Variants in PLGRKT observed in about 807,000 individuals in gnomAD.
The protein encoded by PLGRKT is plasminogen receptor with a C-terminal lysine.
In PLGRKT, 22 loss-of-function variants were observed where a neutral mutation model predicts 18.5. The ratio of observed to expected loss-of-function variants is 1.19; its 90% CI spans 0.85 to 1.70. PLGRKT has a LOEUF of 1.70. Among genes scored for constraint, PLGRKT ranks in the 40% most tolerant of loss-of-function variants. The pLI is 0.00. For synonymous variants in PLGRKT, 72 were observed against 52.8 expected (o/e 1.36, Z -1.58); for missense variants, 235 against 174.4 (o/e 1.35, Z -1.96).
intron 3 of PLGRKT, among the ~76,000 whole-genome samples, chr9:5,368,849 A>T (rs980407956): frequency 6.6e-6 from 1 of 152,200 alleles, no homozygotes; most frequent in Non-Finnish European, 1.5e-5. Context: ...AAAAACAAGC[A>T]ATGGGGAAAG....
intron 3 of PLGRKT, among the ~76,000 whole-genome samples, chr9:5,424,592 A>G (rs1232337432): frequency 1.5e-5 from 2 of 132,318 alleles, no homozygotes; most frequent in African/African-American, 6.0e-5. Context: ...ATTATATTAT[A>G]CAGTAATATA....
At chr9:5,388,690 T>G (rs1185692406) in intron 3 of PLGRKT, among the ~76,000 whole-genome samples, 2 of 152,046 alleles carry the variant, frequency 1.3e-5, no homozygotes, top group Non-Finnish European at 2.9e-5. Flanking sequence ...AAGTGTTCTC[T>G]TGGCCTGTTC....
Position 5,431,887 on chromosome 9 carries a change from T to G in PLGRKT, c.81+10A>C, listed in dbSNP as rs1329015963. 7.5e-7 allele frequency: 1 copy of G among 1,335,158 alleles called. No homozygotes were observed. Among genetic ancestry groups the G allele is most frequent in the Non-Finnish European group, 1.1e-6 (1 of 928,394 alleles). 82.7% of individuals were successfully genotyped at this position (1,335,158 alleles called of 1,614,324 possible). On this transcript the variant is annotated intron_variant, in intron 3 of 5. Transcript: ENST00000223864. ...TAACAACATAATAGCTTAATTATTT[T>G]AAAACATACCTGAAGTCGAGCATTC... is the stretch of plus-strand genomic sequence containing the variant.
intron 3 of PLGRKT, among the ~76,000 whole-genome samples, chr9:5,369,505 T>C (rs1340941876): frequency 6.6e-6 from 1 of 152,110 alleles, no homozygotes; most frequent in East Asian, 1.9e-4. Context: ...TGTAGATTAT[T>C]AGTTCAACCA....
At chr9:5,417,366 C>A (rs1470064680) in intron 3 of PLGRKT, among the ~76,000 whole-genome samples, 1 of 152,056 alleles carries the variant, frequency 6.6e-6, no homozygotes, top group Non-Finnish European at 1.5e-5. Flanking sequence ...TCATACCATA[C>A]ATAAAAATTA....
chr9:5,423,027 T>C lies in PLGRKT; in HGVS notation c.81+8870A>G, dbSNP rs369358820. ...TTTTTATCATCATGCATATATAATT[T>C]ACCTAAATATAAAGTTTTGGGGTTT... On this transcript the variant is annotated intron_variant, in intron 3 of 5. Coordinates refer to ENST00000223864, the MANE Select transcript of PLGRKT (RefSeq NM_018465.4). Among the ~76,000 whole-genome samples, 475 of 152,334 alleles carry C rather than the reference T, an allele frequency of 3.1e-3. 1 individual carries two copies. The highest frequency in any genetic ancestry group is 0.011 in the African/African-American group (447 of 41,574).
chr9:5,385,138 T>C (rs1817818234), intron 3 of PLGRKT, among the ~76,000 whole-genome samples: 1 of 152,138 alleles, frequency 6.6e-6, no homozygotes, highest in African/African-American at 2.4e-5. Context: ...CTGTGGAAGG[T>C]TTTGAAACAG....
chr9:5,409,378 C>T (rs1180212245), intron 3 of PLGRKT, among the ~76,000 whole-genome samples: 1 of 152,210 alleles, frequency 6.6e-6, no homozygotes, highest in African/African-American at 2.4e-5. Flanking sequence ...GCCTCCTGGC[C>T]TACATCTTTC....
chr9:5,433,341 G>A (rs1051137799), intron 2 of PLGRKT, among the ~76,000 whole-genome samples: 12 of 148,554 alleles, frequency 8.1e-5, no homozygotes, highest in East Asian at 2.0e-4. Context: ...CTTCCTGACC[G>A]CCCATCGTCT....
intron 4 of PLGRKT, among the ~76,000 whole-genome samples, chr9:5,361,492 C>T (rs1817263381): frequency 6.6e-6 from 1 of 152,164 alleles, no homozygotes; most frequent in Admixed American, 6.5e-5. Flanking sequence ...GAGATAAACA[C>T]ATAGAGCCCT....
chr9:5,416,472 T>C (rs1186549927), intron 3 of PLGRKT, among the ~76,000 whole-genome samples: 1 of 152,184 alleles, frequency 6.6e-6, no homozygotes, highest in Non-Finnish European at 1.5e-5. Flanking sequence ...TATAGGATCA[T>C]TTTTAATCAT....
chr9:5,403,420 T>C (rs972496918), intron 3 of PLGRKT, among the ~76,000 whole-genome samples: 1 of 152,082 alleles, frequency 6.6e-6, no homozygotes, highest in Non-Finnish European at 1.5e-5. Flanking sequence ...AAACGGGGTT[T>C]CACCAAGTTA....
intron 3 of PLGRKT, among the ~76,000 whole-genome samples, chr9:5,404,163 C>T (rs1818210534): frequency 6.6e-6 from 1 of 152,092 alleles, no homozygotes; most frequent in African/African-American, 2.4e-5. Flanking sequence ...AGCCCAGATC[C>T]TGATGGATTT....
intron 3 of PLGRKT, among the ~76,000 whole-genome samples, chr9:5,428,580 A>G (rs1414361321): frequency 6.6e-6 from 1 of 152,240 alleles, no homozygotes; most frequent in East Asian, 1.9e-4. Context: ...GAGGAGCCAA[A>G]GGACAAAAAG....
intron 3 of PLGRKT, among the ~76,000 whole-genome samples, chr9:5,375,341 C>A (rs1817607651): frequency 6.6e-6 from 1 of 152,010 alleles, no homozygotes; most frequent in African/African-American, 2.4e-5. Context: ...GGAGGAGCCA[C>A]AGAAATGACA....
intron 3 of PLGRKT, among the ~76,000 whole-genome samples, chr9:5,396,176 G>C (rs1818045020): frequency 6.6e-6 from 1 of 151,710 alleles, no homozygotes; most frequent in Middle Eastern, 3.2e-3. Flanking sequence ...TTACAGGCAT[G>C]AATCACCACA....
Position 5,358,065 on chromosome 9 carries a change from T to G in PLGRKT, c.*174A>C, listed in dbSNP as rs913910789. 4.1e-6 allele frequency: 2 copies of G among 483,700 alleles called. No homozygotes were observed. Among genetic ancestry groups the G allele is most frequent in the African/African-American group, 3.9e-5 (2 of 51,372 alleles). 30.0% of individuals were successfully genotyped at this position (483,700 alleles called of 1,614,324 possible). On this transcript the variant is annotated 3_prime_UTR_variant, in exon 6 of 6. Transcript: ENST00000223864. ...CTAAAAGTTATTTAGAGCACCTCCA[T>G]GATTTTGTGTTGAATGTTATAAATT...
chr9:5,398,485 T>C (rs1424351918), intron 3 of PLGRKT, among the ~76,000 whole-genome samples: 1 of 151,996 alleles, frequency 6.6e-6, no homozygotes, highest in South Asian at 2.1e-4. Flanking sequence ...GATCTTCCTT[T>C]TTTGTAGCAA....
At chr9:5,430,863 G>GT (rs1322607088) in intron 3 of PLGRKT, among the ~76,000 whole-genome samples, 7 of 152,188 alleles carry the variant, frequency 4.6e-5, no homozygotes, top group African/African-American at 1.2e-4. Context: ...ATTTTAAAAT[G>GT]TTTTTTACAA....
Sources: gnomAD v4.1 joint callset for allele counts (sites outside exome capture counted in the v4.1 genomes callset) on GRCh38, gnomAD v4.1.1 for gene constraint, MANE v1.5 for transcripts, NCBI Gene and HGNC (gene_info 2026-07-23, HGNC 2026-07-21) for gene names.